The following CDH18 variants were observed in gnomAD, a reference collection of about 807,000 sequenced individuals.
The protein encoded by CDH18 is cadherin 18, also known as cadherin-18.
A neutral mutation model predicts 67.9 loss-of-function variants in CDH18; 31 were observed. That is an observed-to-expected ratio of 0.46 (90% CI 0.34 to 0.62). The LOEUF is 0.62. Among genes scored for constraint, CDH18 ranks in the 20% least tolerant of loss-of-function variants. CDH18 has a pLI of 0.01. For missense variants in CDH18, 890 were observed against 975.5 expected (o/e 0.91, Z 1.17); for synonymous variants, 362 against 347.2 (o/e 1.04, Z -0.48).
At chr5:19,889,151 C>T (rs1242506534) in intron 2 of CDH18, among the ~76,000 whole-genome samples, 2 of 151,888 alleles carry the variant, frequency 1.3e-5, no homozygotes, top group East Asian at 1.9e-4. Flanking sequence ...AAAGTCTGTA[C>T]ATTTTCTGTA....
chr5:19,505,043 G>A (rs1454893782), intron 10 of CDH18, among the ~76,000 whole-genome samples: 1 of 151,916 alleles, frequency 6.6e-6, no homozygotes, highest in Non-Finnish European at 1.5e-5. Context: ...ATTCTATTGT[G>A]TTTGTAAGGC....
chr5:20,165,817 A>G lies in CDH18; in HGVS notation c.-518+89627T>C, dbSNP rs537357233. 2.2e-4 allele frequency among the ~76,000 whole-genome samples: 34 copies of G among 152,296 alleles called. No individual in the cohort carries two copies. In the South Asian group the frequency reaches 6.2e-3, roughly 28 times the overall value. ...ATAACACATGTATTATCTTCACATA[A>G]ACAGTTGCAGTACAAAGCAATTGAG... is the stretch of plus-strand genomic sequence containing the variant. On this transcript the variant is annotated intron_variant, in intron 2 of 14. Coordinates refer to the CDH18 transcript ENST00000507958.
At chr5:20,332,431 G>T (rs1381537426) in intron 1 of CDH18, among the ~76,000 whole-genome samples, 1 of 152,078 alleles carries the variant, frequency 6.6e-6, no homozygotes, top group Non-Finnish European at 1.5e-5. Context: ...TGTAATAAAA[G>T]GTCATTCCTG....
At chr5:20,209,364 TG>T (rs932762979) in intron 2 of CDH18, among the ~76,000 whole-genome samples, 3 of 151,816 alleles carry the variant, frequency 2.0e-5, no homozygotes, top group South Asian at 2.1e-4. Context: ...TGTTTATCAA[TG>T]GGGGAATGGA....
chr5:19,947,804 A>C (rs902634829), intron 2 of CDH18, among the ~76,000 whole-genome samples: 1 of 151,994 alleles, frequency 6.6e-6, no homozygotes. Context: ...ATTGCTTTTC[A>C]ACAGACTCTG....
chr5:20,431,423 G>A (rs1007717923), intron 1 of CDH18, among the ~76,000 whole-genome samples: 1 of 151,232 alleles, frequency 6.6e-6, no homozygotes, highest in Non-Finnish European at 1.5e-5. Flanking sequence ...AACCCAGAAA[G>A]GTGGAGGCTG....
intron 2 of CDH18, among the ~76,000 whole-genome samples, chr5:20,012,880 T>C (rs1030844125): frequency 2.6e-5 from 4 of 151,968 alleles, no homozygotes; most frequent in South Asian, 4.1e-4. Context: ...ATAGAGGGGA[T>C]CTACACACAG....
At chr5:19,707,185 G>A (rs1764076981) in intron 5 of CDH18, among the ~76,000 whole-genome samples, 1 of 152,054 alleles carries the variant, frequency 6.6e-6, no homozygotes, top group Non-Finnish European at 1.5e-5. Flanking sequence ...ATCATTGGCA[G>A]CATTGCTCAA....
At chr5:20,374,827 T>C (rs1393310052) in intron 1 of CDH18, among the ~76,000 whole-genome samples, 1 of 152,186 alleles carries the variant, frequency 6.6e-6, no homozygotes, top group Admixed American at 6.5e-5. Context: ...GGCAATGTGT[T>C]AAACTGAGAT....
chr5:19,654,568 T>C (rs767269522), intron 5 of CDH18, among the ~76,000 whole-genome samples: 1 of 152,088 alleles, frequency 6.6e-6, no homozygotes, highest in Non-Finnish European at 1.5e-5. Flanking sequence ...TCCGGCCCCA[T>C]GGTAGTGTCA....
intron 2 of CDH18, among the ~76,000 whole-genome samples, chr5:19,921,432 G>A (rs543995589): frequency 1.3e-5 from 2 of 151,688 alleles, no homozygotes; most frequent in Non-Finnish European, 2.9e-5. Flanking sequence ...TCGGGAGGCT[G>A]AGACAGGAGA....
Position 20,250,283 on chromosome 5 carries a change from T to A in CDH18, c.-518+5161A>T, listed in dbSNP as rs553098098. ...ATGTTGGAGTCTGACAATTTTATTT[T>A]TTTTTTTATTTTATTTATTTATTTT... On this transcript the variant is annotated intron_variant, in intron 2 of 14. Coordinates refer to the CDH18 transcript ENST00000507958. Among the ~76,000 whole-genome samples, 81 of 113,124 alleles carry A rather than the reference T, an allele frequency of 7.2e-4. No homozygotes were observed. In the South Asian group the frequency reaches 0.017, roughly 24 times the overall value. The allele number at this position is 113,124 out of a possible 152,430, so 74.2% of individuals were successfully genotyped here.
At chr5:19,501,644 A>T (rs1057224427) in intron 11 of CDH18, among the ~76,000 whole-genome samples, 2 of 152,098 alleles carry the variant, frequency 1.3e-5, no homozygotes, top group African/African-American at 4.8e-5. Flanking sequence ...TCGAAGTCAA[A>T]TTTTCATTGT....
chr5:20,153,223 C>T (rs553279857), intron 2 of CDH18, among the ~76,000 whole-genome samples: 4 of 152,030 alleles, frequency 2.6e-5, no homozygotes, highest in East Asian at 3.9e-4. Flanking sequence ...GGAATCTTAA[C>T]GGTTAGCCAG....
Position 20,174,689 on chromosome 5 carries a change from A to G in CDH18, c.-518+80755T>C, listed in dbSNP as rs1246034999. ...TGTCAACAAAATATGTCAACCATAT[A>G]CTTCCAATGAAAAATACAATTTGTG... On this transcript the variant is annotated intron_variant, in intron 2 of 14. Transcript: ENST00000507958. Among the ~76,000 whole-genome samples the G allele has an allele frequency of 2.6e-5, 4 of 152,306 alleles. No homozygotes were observed. The East Asian group carries it at 5.8e-4, about 22-fold the overall frequency.
intron 1 of CDH18, among the ~76,000 whole-genome samples, chr5:20,480,615 A>G (rs1752731896): frequency 6.6e-6 from 1 of 152,064 alleles, no homozygotes; most frequent in African/African-American, 2.4e-5. Flanking sequence ...GGGTTTCACC[A>G]TATTGGCCAG....
intron 1 of CDH18, among the ~76,000 whole-genome samples, chr5:20,333,524 T>TACACACACACAC (rs1464026115): frequency 3.9e-5 from 4 of 103,352 alleles, no homozygotes; most frequent in African/African-American, 1.3e-4. Context: ...AAAAACAATA[T>TACACACACACAC]ATATACACAC....
At chr5:19,507,716 G>T (rs1744433574) in intron 10 of CDH18, among the ~76,000 whole-genome samples, 2 of 152,078 alleles carry the variant, frequency 1.3e-5, no homozygotes, top group South Asian at 4.1e-4. Flanking sequence ...GAGAACACAT[G>T]GACACAGGAA....
chr5:19,937,799 TAGAG>T (rs1003631448), intron 2 of CDH18, among the ~76,000 whole-genome samples: 4 of 150,850 alleles, frequency 2.7e-5, no homozygotes, highest in Admixed American at 6.6e-5. Flanking sequence ...GTTATATATA[TAGAG>T]AGAGACATTT....
Sources: gnomAD v4.1 joint callset for allele counts (sites outside exome capture counted in the v4.1 genomes callset) on GRCh38, gnomAD v4.1.1 for gene constraint, MANE v1.5 for transcripts, NCBI Gene and HGNC (gene_info 2026-07-23, HGNC 2026-07-21) for gene names.